Variants in SRGAP1 observed in about 807,000 individuals in gnomAD.
The protein encoded by SRGAP1 is SLIT-ROBO Rho GTPase activating protein 1.
SRGAP1 carries 43 observed loss-of-function variants against 121.9 expected under a neutral mutation model. The observed-to-expected ratio is 0.35, with a 90% CI of 0.28 to 0.46. The LOEUF (loss-of-function observed/expected upper bound fraction) is 0.46. Among genes scored for constraint, SRGAP1 ranks in the 20% least tolerant of loss-of-function variants. SRGAP1 has a pLI of 1.00. For missense variants in SRGAP1, 1,102 were observed against 1,350.9 expected (o/e 0.82, Z 2.89); for synonymous variants, 447 against 485.4 (o/e 0.92, Z 1.04).
At chr12:64,003,613 T>TA (rs2033982415) in intron 3 of SRGAP1, among the ~76,000 whole-genome samples, 1 of 151,168 alleles carries the variant, frequency 6.6e-6, no homozygotes, top group African/African-American at 2.4e-5. Flanking sequence ...AATCAGTGTA[T>TA]ATGAAGGTAG....
intron 21 of SRGAP1, among the ~76,000 whole-genome samples, chr12:64,135,756 T>C (rs941062191): frequency 1.3e-5 from 2 of 152,218 alleles, no homozygotes; most frequent in African/African-American, 4.8e-5. Flanking sequence ...CCATCCTTAA[T>C]ATTCTGTCCC....
chr12:64,141,983 T>C (rs1438008678), intron 21 of SRGAP1, among the ~76,000 whole-genome samples: 1 of 152,122 alleles, frequency 6.6e-6, no homozygotes, highest in Non-Finnish European at 1.5e-5. Context: ...AGTGAGACCC[T>C]GCCTCAAAAG....
intron 6 of SRGAP1, among the ~76,000 whole-genome samples, chr12:64,053,576 A>G (rs2035281458): frequency 2.0e-5 from 3 of 152,354 alleles, no homozygotes; most frequent in Middle Eastern, 6.8e-3. Context: ...ACAACAAATA[A>G]GGACTTTTAT....
chr12:64,117,675 TAC>T lies in SRGAP1; in HGVS notation c.2224+1784_2224+1785del, dbSNP rs1462873640. 2.6e-5 allele frequency among the ~76,000 whole-genome samples: 4 copies of T among 152,312 alleles called. No individual in the cohort carries two copies. In the East Asian group the frequency reaches 7.7e-4, roughly 29 times the overall value. On this transcript the variant is annotated intron_variant, in intron 18 of 21. Coordinates refer to ENST00000355086, the MANE Select transcript of SRGAP1 (RefSeq NM_020762.4). ...ACAGTACCTTAGTGTTGACCATAGG[TAC>T]AGTGTTATACAGCAGATCTCTAGAG... is the stretch of plus-strand genomic sequence containing the variant.
At chr12:64,006,864 A>G (rs1302981017) in intron 3 of SRGAP1, among the ~76,000 whole-genome samples, 2 of 152,174 alleles carry the variant, frequency 1.3e-5, no homozygotes, top group Admixed American at 1.3e-4. Flanking sequence ...AGTAATTTAA[A>G]TCCAGAATAT....
chr12:64,046,341 G>A (rs1000534450), intron 6 of SRGAP1, among the ~76,000 whole-genome samples: 1 of 152,104 alleles, frequency 6.6e-6, no homozygotes, highest in African/African-American at 2.4e-5. Context: ...GACATCACCT[G>A]GGTTACATTT....
At position 64,042,886 on chromosome 12, in the gene SRGAP1, T is replaced by C. The variant is rs2035052473; in HGVS notation, c.586T>C (p.Ser196Pro). The change falls in exon 5 of 22, where the codon TCT becomes CCT. Residue 196 changes from serine to proline, a missense_variant. Ser to Pro is a moderately conservative substitution (Grantham distance 74). Transcript: ENST00000355086. ...ACAAGAGGAAAAGCAAATTGGGAGA[T>C]CTGGTGATCCAGTCTTCCATATTCG... ...EKQEEKQIGR[S>P]GDPVFHIRLE... 1 of 1,613,428 alleles carries C rather than the reference T, an allele frequency of 6.2e-7. No homozygotes were observed. Among genetic ancestry groups the C allele is most frequent in the Admixed American group, 1.7e-5 (1 of 59,972 alleles).
chr12:64,047,177 T>C (rs2035147888), intron 6 of SRGAP1, among the ~76,000 whole-genome samples: 1 of 152,222 alleles, frequency 6.6e-6, no homozygotes, highest in Non-Finnish European at 1.5e-5. Context: ...ATAAATGATA[T>C]GAAGTTGGTT....
At position 64,043,574 on chromosome 12, in the gene SRGAP1, A is replaced by T; in HGVS notation, c.800A>T (p.Asp267Val). 1 of 1,595,328 alleles carries T rather than the reference A, an allele frequency of 6.3e-7. No homozygotes were observed. The change falls in exon 6 of 22, where the codon GAT becomes GTT. Residue 267 changes from aspartate to valine, a missense_variant and splice_region_variant. Physicochemically the swap from Asp to Val is radical, Grantham distance 152 (BLOSUM62 -3). This residue lies in a region of SRGAP1 where 747 missense variants were observed against 929.4 expected (regional missense o/e 0.80). Transcript: ENST00000355086. ...ATTCATGATCTTTCTGATTTAATTG[A>T]TGTGAGTACTTGAAGTTTTTGTCTT... The part of the protein sequence containing the change: ...YYIHDLSDLI[D>V]CCDLGYHASL...
chr12:64,058,990 A>G (rs1444349938), intron 6 of SRGAP1, among the ~76,000 whole-genome samples: 2 of 152,176 alleles, frequency 1.3e-5, no homozygotes, highest in Non-Finnish European at 2.9e-5. Flanking sequence ...TAGACTGACA[A>G]GCACCATAGG....
At chr12:63,939,470 C>G (rs541699754) in intron 1 of SRGAP1, among the ~76,000 whole-genome samples, 2 of 151,776 alleles carry the variant, frequency 1.3e-5, no homozygotes, top group African/African-American at 4.8e-5. Context: ...TACAAAAGAA[C>G]AAAAATATTA....
Position 64,063,203 on chromosome 12 carries a change from A to G in SRGAP1, c.1023+65A>G, listed in dbSNP as rs376728642. 28 of 1,371,520 alleles carry G rather than the reference A, an allele frequency of 2.0e-5. No homozygotes were observed. The East Asian group carries it at 2.8e-4, about 14-fold the overall frequency. 85.0% of individuals were successfully genotyped at this position (1,371,520 alleles called of 1,614,324 possible). On this transcript the variant is annotated intron_variant, in intron 7 of 21. Transcript: ENST00000355086. Reference sequence around the variant, plus strand: ...TCACTTATATTTCTCCTCACTTGCTATAATCTAACAGTTGTAATAATTCCC... The same window carrying G: ...TCACTTATATTTCTCCTCACTTGCTGTAATCTAACAGTTGTAATAATTCCC...
At position 64,115,012 on chromosome 12, in the gene SRGAP1, G is replaced by A. The variant is rs544579807; in HGVS notation, c.2145-802G>A. ...ACACAGTTGAGGATTGGTGGTGACA[G>A]TGTTAAGGGATAAGTTTTAAAAGAG... On this transcript the variant is annotated intron_variant, in intron 17 of 21. Coordinates refer to ENST00000355086, the MANE Select transcript of SRGAP1 (RefSeq NM_020762.4). Among the ~76,000 whole-genome samples, 96 of 152,316 alleles carry A rather than the reference G, an allele frequency of 6.3e-4. 1 individual carries two copies. In the South Asian group the frequency reaches 6.6e-3, roughly 11 times the overall value.
intron 1 of SRGAP1, among the ~76,000 whole-genome samples, chr12:63,928,353 T>G (rs7965316): frequency 0.27 from 41,523 of 152,060 alleles, 6,055 homozygotes; most frequent in East Asian, 0.52. Flanking sequence ...AAAACATATA[T>G]CCTCGAAAAG....
intron 1 of SRGAP1, among the ~76,000 whole-genome samples, chr12:63,944,710 A>T (rs1045893274): frequency 6.6e-6 from 1 of 152,228 alleles, no homozygotes; most frequent in East Asian, 1.9e-4. Context: ...CTGAGGCCCA[A>T]GGTTGCCTTT....
At chr12:64,020,843 CAAAAAAAAA>C (rs34144761) in intron 4 of SRGAP1, among the ~76,000 whole-genome samples, 1 of 70,068 alleles carries the variant, frequency 1.4e-5, no homozygotes, top group Non-Finnish European at 2.8e-5. Flanking sequence ...GACTCCGTCT[CAAAAAAAAA>C]AAAAAAAAAA....
intron 2 of SRGAP1, among the ~76,000 whole-genome samples, chr12:63,989,013 G>A (rs1384709416): frequency 6.6e-6 from 1 of 152,006 alleles, no homozygotes; most frequent in Non-Finnish European, 1.5e-5. Context: ...GTTTCGCCAT[G>A]TTGCCCAGGC....
In SRGAP1 at chr12:64,082,001, C is replaced by CTTTTTTTTTTTTTTTTTTTTTTTTTTTT; in HGVS notation, c.1408+1652_1408+1653insTTTTTTTTTTTTTTTTTTTTTTTTTTTT. 4 of 66,124 alleles carry CTTTTTTTTTTTTTTTTTTTTTTTTTTTT rather than the reference C, an allele frequency of 6.0e-5. 1 individual carries two copies. Among genetic ancestry groups the CTTTTTTTTTTTTTTTTTTTTTTTTTTTT allele is most frequent in the African/African-American group, 1.3e-4 (2 of 15,458 alleles). 4.1% of individuals were successfully genotyped at this position (66,124 alleles called of 1,614,324 possible). A position where few individuals can be genotyped will look rare whatever the true frequency, so the allele number is the denominator to read the frequency against. ...TTTCCCTCACAGTGTCATGTAAGGT[C>CTTTTTTTTTTTTTTTTTTTTTTTTTTTT]TTTTTTTTTTTTTTTTTTTTTCAAT... is the stretch of plus-strand genomic sequence containing the variant. On this transcript the variant is annotated intron_variant, in intron 10 of 21. Coordinates refer to ENST00000355086, the MANE Select transcript of SRGAP1 (RefSeq NM_020762.4).
At chr12:63,973,898 A>G (rs1007722985) in intron 1 of SRGAP1, among the ~76,000 whole-genome samples, 1 of 152,212 alleles carries the variant, frequency 6.6e-6, no homozygotes, top group African/African-American at 2.4e-5. Flanking sequence ...ATGTTTGGCA[A>G]ATGCCTTGAA....
Sources: gnomAD v4.1 joint callset for allele counts (sites outside exome capture counted in the v4.1 genomes callset) on GRCh38, gnomAD v4.1.1 for gene constraint, gnomAD v4.1.1 regional missense constraint, MANE v1.5 for transcripts, NCBI Gene and HGNC (gene_info 2026-07-23, HGNC 2026-07-21) for gene names.